The following TTC29 variants were observed in gnomAD, a reference collection of about 807,000 sequenced individuals.
TTC29 encodes tetratricopeptide repeat protein 29.
TTC29 carries 49 observed loss-of-function variants against 58.1 expected under a neutral mutation model. The ratio of observed to expected loss-of-function variants is 0.84; its 90% CI spans 0.67 to 1.07. The LOEUF (loss-of-function observed/expected upper bound fraction) is 1.07, where lower values mean the gene tolerates loss of function less well. TTC29 is among the 50% of genes least tolerant of loss of function. TTC29 has a pLI of 0.00. For missense variants in TTC29, 582 were observed against 555.6 expected, an observed-to-expected ratio of 1.05 and a Z score of -0.48; for synonymous variants, 209 against 196.8, an observed-to-expected ratio of 1.06 and a Z score of -0.52.
At chr4:146,904,720 T>A (rs1241746166) in intron 5 of TTC29, among the ~76,000 whole-genome samples, 1 of 152,190 alleles carries the variant, frequency 6.6e-6, no homozygotes, top group Non-Finnish European at 1.5e-5. Flanking sequence ...TAGAATTCAC[T>A]GATATTAATT....
At chr4:146,920,439 T>C (rs1455847877) in intron 4 of TTC29, among the ~76,000 whole-genome samples, 1 of 150,868 alleles carries the variant, frequency 6.6e-6, no homozygotes, top group East Asian at 1.9e-4. Context: ...TTAAGAGAAA[T>C]ATAACGTTTA....
intron 11 of TTC29, among the ~76,000 whole-genome samples, chr4:146,718,823 T>C (rs923396483): frequency 1.3e-5 from 2 of 152,176 alleles, no homozygotes; most frequent in Admixed American, 1.3e-4. Context: ...TTTCTTCTAG[T>C]GGCATTAACA....
chr4:146,911,223 G>C (rs1385728671), intron 4 of TTC29, among the ~76,000 whole-genome samples: 1 of 152,184 alleles, frequency 6.6e-6, no homozygotes, highest in Non-Finnish European at 1.5e-5. Context: ...TATAGGAGAA[G>C]GGACTTAATA....
chr4:146,898,486 C>T (rs960273725), intron 6 of TTC29, among the ~76,000 whole-genome samples: 1 of 152,206 alleles, frequency 6.6e-6, no homozygotes, highest in African/African-American at 2.4e-5. Context: ...AGAAGTCCCC[C>T]AGTCATTGGA....
At chr4:146,730,465 T>C (rs572411335) in intron 11 of TTC29, among the ~76,000 whole-genome samples, 3 of 152,266 alleles carry the variant, frequency 2.0e-5, no homozygotes, top group African/African-American at 7.2e-5. Flanking sequence ...AGATAATATT[T>C]AAGGTCATGA....
chr4:146,910,625 C>A (rs1318889542), intron 4 of TTC29, among the ~76,000 whole-genome samples: 1 of 151,948 alleles, frequency 6.6e-6, no homozygotes, highest in African/African-American at 2.4e-5. Flanking sequence ...GGAGGTAGAG[C>A]TATTGGAGAT....
intron 6 of TTC29, among the ~76,000 whole-genome samples, chr4:146,875,723 T>A (rs1364194684): frequency 6.6e-6 from 1 of 152,232 alleles, no homozygotes; most frequent in African/African-American, 2.4e-5. Context: ...GGTTTTTGTA[T>A]ATGCTGTTTA....
At chr4:146,730,606 C>A (rs554792121) in intron 11 of TTC29, among the ~76,000 whole-genome samples, 1 of 152,212 alleles carries the variant, frequency 6.6e-6, no homozygotes, top group Non-Finnish European at 1.5e-5. Context: ...TGGGAAGAAG[C>A]AGCTAGTGAG....
chr4:146,832,666 A>AT (rs1215463217), intron 9 of TTC29, among the ~76,000 whole-genome samples: 4 of 139,090 alleles, frequency 2.9e-5, no homozygotes, highest in Non-Finnish European at 6.3e-5. Flanking sequence ...TGTGTGTGGT[A>AT]TTTTTAGTAG....
chr4:146,876,420 C>A (rs1210144692), intron 6 of TTC29, among the ~76,000 whole-genome samples: 1 of 152,040 alleles, frequency 6.6e-6, no homozygotes, highest in African/African-American at 2.4e-5. Flanking sequence ...ATTAAATTAA[C>A]CTATGCAGGT....
At position 146,833,856 on chromosome 4, in the gene TTC29, A is replaced by G; in HGVS notation, c.927T>C (p.Asp309=). ...CATAGCCTCTCCCCAGACTGAGATC[A>G]TCATCCAGGTCTGTGGAGATTTTAC... is the stretch of plus-strand genomic sequence containing the variant. The part of the protein sequence containing the change: ...TYCKISTDLD[D]DLSLGRGYEA... Residue 309 remains aspartate (D), a synonymous_variant, in exon 9 of 13, where the codon GAT becomes GAC. Coordinates refer to ENST00000325106, the MANE Select transcript of TTC29 (RefSeq NM_031956.4). 6.2e-7 allele frequency: 1 copy of G among 1,613,334 alleles called. No individual in the cohort carries two copies. Among genetic ancestry groups the G allele is most frequent in the Non-Finnish European group, 8.5e-7 (1 of 1,179,502 alleles).
intron 11 of TTC29, among the ~76,000 whole-genome samples, chr4:146,714,849 G>T (rs1400204852): frequency 6.6e-6 from 1 of 152,154 alleles, no homozygotes; most frequent in Non-Finnish European, 1.5e-5. Context: ...GAGAAGGGGA[G>T]AAATGGAAGG....
chr4:146,847,944 A>G (rs973648023), intron 8 of TTC29, among the ~76,000 whole-genome samples: 18 of 152,340 alleles, frequency 1.2e-4, no homozygotes, highest in South Asian at 1.0e-3. Context: ...CACTGAGGGA[A>G]CTTCACAGGT....
chr4:146,708,357 C>CATGTGTATATATATATATAT (rs1561047198), intron 11 of TTC29, among the ~76,000 whole-genome samples: 2 of 16,812 alleles, frequency 1.2e-4, no homozygotes, highest in African/African-American at 2.8e-4. Context: ...TATATATATA[C>CATGTGTATATATATATATAT]ACATGTATGT....
intron 4 of TTC29, among the ~76,000 whole-genome samples, chr4:146,916,396 T>C (rs1479027602): frequency 6.6e-6 from 1 of 151,662 alleles, no homozygotes; most frequent in Non-Finnish European, 1.5e-5. Context: ...CTTTTTACTT[T>C]AAAGCCATAT....
intron 7 of TTC29, among the ~76,000 whole-genome samples, chr4:146,870,526 A>G (rs1156977092): frequency 6.6e-6 from 1 of 152,038 alleles, no homozygotes; most frequent in Non-Finnish European, 1.5e-5. Flanking sequence ...TAGAAAAACC[A>G]TAGTGAAAAT....
chr4:146,712,779 G>A (rs1742604708), intron 11 of TTC29, among the ~76,000 whole-genome samples: 1 of 152,034 alleles, frequency 6.6e-6, no homozygotes, highest in African/African-American at 2.4e-5. Flanking sequence ...GCAAAAGAGG[G>A]TGCCATGCCA....
rs149375779 is a variant in TTC29, at chr4:146,933,051, C to A, written c.176+4543G>T. Among the ~76,000 whole-genome samples the A allele has an allele frequency of 5.2e-3, 670 of 129,822 alleles. 6 individuals carry two copies. Among genetic ancestry groups the A allele is most frequent in the African/African-American group, 0.019 (608 of 31,832 alleles). The allele number at this position is 129,822 out of a possible 152,430, so 85.2% of individuals were successfully genotyped here. On this transcript the variant is annotated intron_variant, in intron 4 of 12. Transcript: ENST00000325106. ...CCAGTCTGGGTGACAGACCGAGACT[C>A]CGTCTCAAAAAAAAAAAAAAGATAT...
At chr4:146,892,106 A>C (rs1308026581) in intron 6 of TTC29, among the ~76,000 whole-genome samples, 3 of 152,054 alleles carry the variant, frequency 2.0e-5, no homozygotes, top group Non-Finnish European at 4.4e-5. Context: ...AGGTGATTGG[A>C]TCATGGGGGC....
Sources: allele counts gnomAD v4.1 joint callset (sites outside exome capture counted in the v4.1 genomes callset), GRCh38; gene constraint gnomAD v4.1.1; transcripts MANE v1.5; gene names NCBI Gene and HGNC (gene_info 2026-07-23, HGNC 2026-07-21).